The following ELMO1 variants were observed in gnomAD, a reference collection of about 807,000 sequenced individuals.
ELMO1 encodes engulfment and cell motility protein 1.
Under a neutral mutation model 98.9 loss-of-function variants are expected in ELMO1, and 26 were observed. That is an observed-to-expected ratio of 0.26 (90% CI 0.19 to 0.36). ELMO1 has a LOEUF of 0.36. ELMO1 is among the 10% of genes least tolerant of loss of function. The pLI is 1.00. For synonymous variants in ELMO1, 346 were observed against 346.0 expected (o/e 1.00, Z 0.00); for missense variants, 627 against 935.2 (o/e 0.67, Z 4.30).
At chr7:37,326,416 G>A (rs764764345) in intron 2 of ELMO1, among the ~76,000 whole-genome samples, 10 of 151,946 alleles carry the variant, frequency 6.6e-5, no homozygotes, top group African/African-American at 1.2e-4. Flanking sequence ...TTAGCCGGGC[G>A]TGGTGGGGTG....
intron 1 of ELMO1, among the ~76,000 whole-genome samples, chr7:37,370,175 C>G (rs76926062): frequency 0.045 from 6,920 of 152,292 alleles, 216 homozygotes; most frequent in Non-Finnish European, 0.071. Flanking sequence ...CATAATAAGA[C>G]CTTTGTTCAC....
chr7:37,128,059 G>A (rs984279322), intron 14 of ELMO1, among the ~76,000 whole-genome samples: 3 of 152,098 alleles, frequency 2.0e-5, no homozygotes, highest in South Asian at 2.1e-4. Flanking sequence ...TGGGCATGGT[G>A]GTGCGTGCCT....
chr7:37,394,402 C>A (rs1329560778), intron 1 of ELMO1, among the ~76,000 whole-genome samples: 7 of 152,146 alleles, frequency 4.6e-5, no homozygotes, highest in African/African-American at 4.8e-5. Context: ...CTGGATCAGA[C>A]AGGCCTCAGA....
intron 18 of ELMO1, 104 bp from the exon 19 acceptor site, chr7:36,878,221 T>C (rs1804127901): frequency 1.2e-6 from 1 of 846,950 alleles, no homozygotes; most frequent in Non-Finnish European, 1.9e-6. Flanking sequence ...AAGCAGTTCA[T>C]TTGATTTTAA....
chr7:37,182,533 C>G (rs1042238800), intron 13 of ELMO1, among the ~76,000 whole-genome samples: 4 of 136,700 alleles, frequency 2.9e-5, no homozygotes, highest in Admixed American at 8.5e-5. Context: ...TGCAATGGCA[C>G]GATCGGTCTC....
chr7:37,346,485 T>A (rs6953856), intron 1 of ELMO1, among the ~76,000 whole-genome samples: 90,750 of 152,110 alleles, frequency 0.6, 27,926 homozygotes, highest in African/African-American at 0.76. Context: ...AGTGTCTTCT[T>A]TGTGCAAATG....
chr7:37,204,671 A>G (rs1286213881), intron 13 of ELMO1, among the ~76,000 whole-genome samples: 1 of 152,184 alleles, frequency 6.6e-6, no homozygotes, highest in Non-Finnish European at 1.5e-5. Context: ...CATTTTAAAG[A>G]GAGCGCATTG....
At chr7:37,375,658 A>G (rs1388294130) in intron 1 of ELMO1, 4 of 1,224,200 alleles carry the variant, frequency 3.3e-6, no homozygotes, top group Non-Finnish European at 4.8e-6. Context: ...CCTTCAGGTC[A>G]TGAAGGCCAT....
intron 7 of ELMO1, among the ~76,000 whole-genome samples, chr7:37,243,864 C>T (rs1448539945): frequency 6.6e-6 from 1 of 152,150 alleles, no homozygotes; most frequent in African/African-American, 2.4e-5. Flanking sequence ...CACAATCATA[C>T]AATTCACTTC....
chr7:37,189,806 A>T, intron 13 of ELMO1, among the ~76,000 whole-genome samples: 1 of 152,346 alleles, frequency 6.6e-6, no homozygotes. Context: ...ACCACATCAT[A>T]CGATAATTTA....
rs199751199 is a variant in ELMO1 at position 37,092,654 on chromosome 7, C to T, written c.1300+3965G>A. ...CCTCCCAAACTGCTGGGATTACAGG[C>T]GTGAGCCAACACATCCGGCCCTAAA... On this transcript the variant is annotated intron_variant, in intron 15 of 21. Transcript: ENST00000310758. Among the ~76,000 whole-genome samples, 34 of 152,186 alleles carry T rather than the reference C, an allele frequency of 2.2e-4. No individual in the cohort carries two copies. The East Asian group carries it at 3.1e-3, about 14-fold the overall frequency.
At chr7:37,198,050 G>C (rs1014127311) in intron 13 of ELMO1, among the ~76,000 whole-genome samples, 3 of 152,194 alleles carry the variant, frequency 2.0e-5, no homozygotes, top group Non-Finnish European at 4.4e-5. Flanking sequence ...ATCTGCACAA[G>C]AGCAGGCAGC....
chr7:36,888,031 T>C (rs1403188103), intron 17 of ELMO1, among the ~76,000 whole-genome samples: 3 of 152,208 alleles, frequency 2.0e-5, no homozygotes, highest in Admixed American at 2.0e-4. Flanking sequence ...TTGGTCAACT[T>C]TTTTCCCCTG....
chr7:37,109,850 C>T (rs1358765950), intron 14 of ELMO1, among the ~76,000 whole-genome samples: 1 of 152,188 alleles, frequency 6.6e-6, no homozygotes. Flanking sequence ...AAGCAAGAGA[C>T]TCAAATATAT....
intron 14 of ELMO1, among the ~76,000 whole-genome samples, chr7:37,100,613 C>G (rs1029679090): frequency 1.3e-5 from 2 of 152,258 alleles, no homozygotes; most frequent in Non-Finnish European, 2.9e-5. Flanking sequence ...CCAATTCATT[C>G]TGTGCCTCCT....
chr7:37,146,156 C>T (rs897677065), intron 13 of ELMO1, among the ~76,000 whole-genome samples: 16 of 152,156 alleles, frequency 1.1e-4, no homozygotes, highest in African/African-American at 3.9e-4. Context: ...AACATTGATT[C>T]CAGTGTCCTT....
At chr7:37,011,158 G>GCACCCAAAACCCAAAATC (rs1793522393) in intron 16 of ELMO1, among the ~76,000 whole-genome samples, 2 of 152,220 alleles carry the variant, frequency 1.3e-5, no homozygotes, top group Non-Finnish European at 2.9e-5. Context: ...TGGCTCTTAG[G>GCACCCAAAACCCAAAATC]TCTTGCTGAA....
intron 13 of ELMO1, among the ~76,000 whole-genome samples, chr7:37,166,039 A>T (rs1378000770): frequency 6.6e-6 from 1 of 152,172 alleles, no homozygotes; most frequent in East Asian, 1.9e-4. Context: ...CTATTCAGAG[A>T]TTCAACTTCT....
chr7:37,212,301 A>C (rs752736826), intron 12 of ELMO1, among the ~76,000 whole-genome samples: 11 of 152,182 alleles, frequency 7.2e-5, no homozygotes, highest in Non-Finnish European at 1.3e-4. Context: ...CTGGAGATAG[A>C]TGGTGGTGAC....
Sources: allele counts gnomAD v4.1 joint callset (sites outside exome capture counted in the v4.1 genomes callset), GRCh38; gene constraint gnomAD v4.1.1; transcripts MANE v1.5; gene names NCBI Gene and HGNC (gene_info 2026-07-23, HGNC 2026-07-21).